The following NREP variants were observed in gnomAD, a reference collection of about 807,000 sequenced individuals.
NREP encodes the protein neuronal regeneration-related protein.
A neutral mutation model predicts 8.6 loss-of-function variants in NREP; 5 were observed. The observed-to-expected ratio is 0.58, with a 90% CI of 0.30 to 1.22. The LOEUF is 1.22. Among genes scored for constraint, NREP ranks in the 50% most tolerant of loss-of-function variants. The probability of loss-of-function intolerance (pLI) is 0.07; values close to 1 mark genes in which losing one functional copy is unlikely to be tolerated. For missense variants in NREP, 86 were observed against 82.5 expected (o/e 1.04, Z -0.17); for synonymous variants, 27 against 28.0 (o/e 0.96, Z 0.11).
At chr5:111,768,251 C>A (rs1203331474) in intron 2 of NREP, among the ~76,000 whole-genome samples, 1 of 152,104 alleles carries the variant, frequency 6.6e-6, no homozygotes, top group African/African-American at 2.4e-5. Flanking sequence ...ACAGTGGTAG[C>A]CTCAAGAAAA....
At chr5:111,798,149 T>C (rs1389721632) in intron 2 of NREP, among the ~76,000 whole-genome samples, 2 of 152,220 alleles carry the variant, frequency 1.3e-5, no homozygotes, top group African/African-American at 2.4e-5. Context: ...CTTACTATCT[T>C]ATTTTTAGCA....
In NREP at chr5:111,917,853, G is replaced by A. The variant is rs1321977779; in HGVS notation, c.135+57421C>T. ...TATTCAACATTGTATTGGAAGTTCT[G>A]GCCAGGGCAATCAGGCAACAAAAAG... On this transcript the variant is annotated intron_variant, in intron 2 of 3. Transcript: ENST00000395634. 2.6e-5 allele frequency among the ~76,000 whole-genome samples: 4 copies of A among 152,110 alleles called. No individual in the cohort carries two copies. In the East Asian group the frequency reaches 7.7e-4, roughly 29 times the overall value.
At chr5:111,811,594 T>G (rs1248744168) in intron 2 of NREP, among the ~76,000 whole-genome samples, 1 of 152,184 alleles carries the variant, frequency 6.6e-6, no homozygotes, top group African/African-American at 2.4e-5. Context: ...AAGCACAAAC[T>G]CATCAAGTCC....
intron 2 of NREP, among the ~76,000 whole-genome samples, chr5:111,830,950 A>C (rs1175851239): frequency 6.6e-6 from 1 of 152,190 alleles, no homozygotes; most frequent in Non-Finnish European, 1.5e-5. Flanking sequence ...TGTGTTATTT[A>C]CTTGTACTTC....
intron 2 of NREP, among the ~76,000 whole-genome samples, chr5:111,788,722 T>C (rs543921418): frequency 1.8e-4 from 27 of 152,344 alleles, no homozygotes; most frequent in African/African-American, 6.3e-4. Flanking sequence ...TGGTTAATTT[T>C]ATGTGTCAAC....
chr5:111,762,613 A>G (rs1354931247), upstream of NREP, among the ~76,000 whole-genome samples: 1 of 152,148 alleles, frequency 6.6e-6, no homozygotes, highest in Non-Finnish European at 1.5e-5. Context: ...CTAAGAAGAG[A>G]TTAGGACACA....
At chr5:111,964,716 T>A (rs1011031359) in intron 2 of NREP, among the ~76,000 whole-genome samples, 1 of 151,918 alleles carries the variant, frequency 6.6e-6, no homozygotes, top group African/African-American at 2.4e-5. Flanking sequence ...TTGGCTCTAT[T>A]ATAAAAAATA....
chr5:111,777,539 A>G (rs1751394077), intron 2 of NREP, among the ~76,000 whole-genome samples: 1 of 152,166 alleles, frequency 6.6e-6, no homozygotes, highest in Admixed American at 6.6e-5. Context: ...TGGGAATGTT[A>G]GAGAGGTGAG....
At chr5:111,906,738 G>C (rs1754787676) in intron 2 of NREP, among the ~76,000 whole-genome samples, 1 of 151,864 alleles carries the variant, frequency 6.6e-6, no homozygotes, top group Non-Finnish European at 1.5e-5. Flanking sequence ...ACTCACTGCT[G>C]TTTTAATTTG....
intron 2 of NREP, among the ~76,000 whole-genome samples, chr5:111,821,232 T>A (rs1752507117): frequency 6.6e-6 from 1 of 152,190 alleles, no homozygotes; most frequent in African/African-American, 2.4e-5. Flanking sequence ...CATGCTTTCT[T>A]TGTTATATTA....
At chr5:111,729,172 TTC>T (rs1419707393), downstream of NREP, 1 of 152,210 alleles carries the variant, frequency 6.6e-6, no homozygotes, top group African/African-American at 2.4e-5. Context: ...GCAGAGCTGA[TTC>T]TCTCTCTTTT....
At chr5:111,904,998 ATC>A (rs143311439) in intron 2 of NREP, among the ~76,000 whole-genome samples, 2 of 150,792 alleles carry the variant, frequency 1.3e-5, no homozygotes, top group Admixed American at 6.6e-5. Context: ...TATTCCCCAT[ATC>A]TCTCTCTCTC....
intron 2 of NREP, among the ~76,000 whole-genome samples, chr5:111,783,110 TC>T (rs1751533077): frequency 2.0e-5 from 3 of 152,090 alleles, no homozygotes; most frequent in Non-Finnish European, 2.9e-5. Flanking sequence ...TTCCACAGTA[TC>T]AGAAAGAAGC....
intron 2 of NREP, among the ~76,000 whole-genome samples, chr5:111,924,755 A>T (rs539319446): frequency 6.6e-6 from 1 of 152,080 alleles, no homozygotes. Flanking sequence ...TGGTTAGGAA[A>T]AGAAGTGGGA....
chr5:111,866,798 T>A, intron 2 of NREP, among the ~76,000 whole-genome samples: 1 of 151,016 alleles, frequency 6.6e-6, no homozygotes, highest in Non-Finnish European at 1.5e-5. Flanking sequence ...ATATACACCA[T>A]GGAATACTAT....
intron 2 of NREP, among the ~76,000 whole-genome samples, chr5:111,903,793 TAG>T (rs1438029589): frequency 2.6e-5 from 4 of 152,158 alleles, no homozygotes; most frequent in Non-Finnish European, 4.4e-5. Context: ...ATTTCTTCTC[TAG>T]ATTTTCCAGC....
chr5:111,796,178 C>G, intron 2 of NREP, among the ~76,000 whole-genome samples: 1 of 152,242 alleles, frequency 6.6e-6, no homozygotes, highest in East Asian at 1.9e-4. Context: ...TCCTTCCTCC[C>G]GAGCAGTACA....
chr5:111,759,216 A>G (rs144540484), upstream of NREP, among the ~76,000 whole-genome samples: 386 of 152,282 alleles, frequency 2.5e-3, 8 homozygotes, highest in South Asian at 0.047. Context: ...CATTCACCTC[A>G]GGGTCAGGCT....
At chr5:111,740,051 C>A (rs2112809616) in intron 2 of NREP, among the ~76,000 whole-genome samples, 1 of 151,502 alleles carries the variant, frequency 6.6e-6, no homozygotes, top group Non-Finnish European at 1.5e-5. Flanking sequence ...AATTTTGTTA[C>A]TTTAATTTGG....
Sources: gnomAD v4.1 joint callset for allele counts (sites outside exome capture counted in the v4.1 genomes callset) on GRCh38, gnomAD v4.1.1 for gene constraint, MANE v1.5 for transcripts, NCBI Gene and HGNC (gene_info 2026-07-23, HGNC 2026-07-21) for gene names.